KIF13B: variants seen among roughly 807,000 people sequenced by gnomAD.
The protein encoded by KIF13B is kinesin family member 13B, also known as kinesin-like protein KIF13B.
KIF13B carries 127 observed loss-of-function variants against 222.0 expected under a neutral mutation model. That is an observed-to-expected ratio of 0.57 (90% CI 0.50 to 0.66). The LOEUF (loss-of-function observed/expected upper bound fraction) is 0.66. KIF13B is among the 30% of genes least tolerant of loss of function. The pLI is 0.00. For synonymous variants in KIF13B, 976 were observed against 919.0 expected (o/e 1.06, Z -1.12); for missense variants, 2,173 against 2,379.0 (o/e 0.91, Z 1.80).
intron 3 of KIF13B, among the ~76,000 whole-genome samples, chr8:29,194,012 G>T (rs1170228096): frequency 6.7e-6 from 1 of 148,230 alleles, no homozygotes; most frequent in Admixed American, 6.7e-5. Flanking sequence ...TTTTAGTAGA[G>T]ACAGGGTTTC....
chr8:29,151,421 GTCAT>G (rs1302484532), intron 14 of KIF13B, among the ~76,000 whole-genome samples: 21 of 152,370 alleles, frequency 1.4e-4, no homozygotes. Flanking sequence ...GGAAGAAGAT[GTCAT>G]CTCGAACTTT....
intron 35 of KIF13B, among the ~76,000 whole-genome samples, chr8:29,105,650 G>GTTTTTTTTTTTTTTT: frequency 1.3e-5 from 1 of 78,072 alleles, no homozygotes; most frequent in Non-Finnish European, 2.2e-5. Context: ...AGTTTGTTTG[G>GTTTTTTTTTTTTTTT]TTTTTTTTTT....
At chr8:29,080,780 C>A (rs1807773965) in intron 37 of KIF13B, among the ~76,000 whole-genome samples, 1 of 152,130 alleles carries the variant, frequency 6.6e-6, no homozygotes, top group South Asian at 2.1e-4. Context: ...CTGCCGACCC[C>A]CGCCCGAGCC....
intron 16 of KIF13B, among the ~76,000 whole-genome samples, chr8:29,147,954 T>C (rs1177162241): frequency 6.6e-6 from 1 of 152,198 alleles, no homozygotes; most frequent in African/African-American, 2.4e-5. Context: ...TCCCAGCATT[T>C]TGGGAGGCCG....
At chr8:29,194,493 C>T (rs1025274380) in intron 3 of KIF13B, among the ~76,000 whole-genome samples, 2 of 152,138 alleles carry the variant, frequency 1.3e-5, no homozygotes, top group Non-Finnish European at 2.9e-5. Context: ...GATTCCAGCC[C>T]ACAGTCTGGC....
At chr8:29,163,677 G>C (rs1811876378) in intron 12 of KIF13B, among the ~76,000 whole-genome samples, 1 of 152,198 alleles carries the variant, frequency 6.6e-6, no homozygotes, top group African/African-American at 2.4e-5. Context: ...ACATTCAACA[G>C]CACTAAAGCC....
rs1370317127 is a variant in KIF13B, at chr8:29,155,798, A to G, written c.1463T>C (p.Ile488Thr). 5.6e-6 allele frequency: 9 copies of G among 1,596,548 alleles called. No individual in the cohort carries two copies. Among genetic ancestry groups the G allele is most frequent in the Non-Finnish European group, 7.7e-6 (9 of 1,170,540 alleles). Residue 488 changes from isoleucine to threonine, a missense_variant, in exon 14 of 40, where the codon ATT (isoleucine) becomes ACT (threonine). Coordinates refer to ENST00000524189, the MANE Select transcript of KIF13B (RefSeq NM_015254.4). ...GTCTATAATACAGTGTTCAGGAAGAATTCCCATGCCGCACAGTTGGATATC... is the reference window on the plus strand; with the variant it reads ...GTCTATAATACAGTGTTCAGGAAGAGTTCCCATGCCGCACAGTTGGATATC... ...SQDIQLCGMG[I>T]LPEHCIIDIT... is the part of the protein sequence containing the mutation.
intron 2 of KIF13B, among the ~76,000 whole-genome samples, chr8:29,208,371 C>T (rs757888011): frequency 6.6e-6 from 1 of 152,190 alleles, no homozygotes; most frequent in Non-Finnish European, 1.5e-5. Flanking sequence ...ATTAATGCTG[C>T]ATCATAGTCA....
chr8:29,078,822 G>C (rs1420435611), intron 37 of KIF13B, among the ~76,000 whole-genome samples: 1 of 152,226 alleles, frequency 6.6e-6, no homozygotes, highest in African/African-American at 2.4e-5. Context: ...AAGTTCTCAA[G>C]TGCTGGCTGA....
chr8:29,165,853 T>A (rs1811972116), intron 11 of KIF13B, 81 bp from the exon 12 acceptor site: 6 of 924,406 alleles, frequency 6.5e-6, no homozygotes, highest in Non-Finnish European at 1.0e-5. Context: ...AGGACAAAAG[T>A]AACAATCTGC....
chr8:29,193,736 C>CT (rs1243034028), intron 3 of KIF13B, among the ~76,000 whole-genome samples: 1 of 152,240 alleles, frequency 6.6e-6, no homozygotes, highest in African/African-American at 2.4e-5. Context: ...CTCCCATATA[C>CT]TTCAAATCAT....
At position 29,071,597 on chromosome 8, in the gene KIF13B, A is replaced by G; in HGVS notation, c.5218+23T>C. The G allele has an allele frequency of 6.5e-7, 1 of 1,536,420 alleles. No individual in the cohort carries two copies. The highest frequency in any genetic ancestry group is 8.8e-7 in the Non-Finnish European group (1 of 1,138,626). ...CCCCAGACCCCCGGCACCACCCTGG[A>G]GCCCGGAGTGCCCGGTACCCACCTG... is the stretch of plus-strand genomic sequence containing the variant. On this transcript the variant is annotated intron_variant, in intron 39 of 39. Coordinates refer to ENST00000524189, the MANE Select transcript of KIF13B (RefSeq NM_015254.4). The surrounding 1 kb of genome is among the most constrained non-coding windows in gnomAD (Gnocchi z 4.9).
rs538338127 is a variant in KIF13B at position 29,110,233 on chromosome 8, G to A, written c.3931-163C>T. Reference sequence around the variant, plus strand: ...CAAGGAAATAATGAAAAGGTGATTAGGTGACTAGGTCCACTTGAAAGGCTG... The same window carrying A: ...CAAGGAAATAATGAAAAGGTGATTAAGTGACTAGGTCCACTTGAAAGGCTG... On this transcript the variant is annotated intron_variant, in intron 32 of 39. Transcript: ENST00000524189. 4.6e-5 allele frequency among the ~76,000 whole-genome samples: 7 copies of A among 152,300 alleles called. No individual in the cohort carries two copies. The South Asian group carries it at 1.4e-3, about 32-fold the overall frequency.
At chr8:29,155,696 G>C (rs368810794) in intron 14 of KIF13B, 30 bp downstream of exon 14, 19 of 1,585,416 alleles carry the variant, frequency 1.2e-5, no homozygotes, top group African/African-American at 2.7e-5. Flanking sequence ...AAAAACTCTT[G>C]TGATATGAAC....
intron 2 of KIF13B, among the ~76,000 whole-genome samples, chr8:29,211,473 G>T (rs558190179): frequency 1.4e-3 from 106 of 73,154 alleles, no homozygotes; most frequent in African/African-American, 4.8e-3. Flanking sequence ...GGCCAGAACT[G>T]AGTTGCCAGG....
chr8:29,092,949 A>G (rs1808369367), intron 36 of KIF13B, 71 bp from the exon 37 acceptor site: 3 of 1,354,688 alleles, frequency 2.2e-6, no homozygotes, highest in South Asian at 3.2e-5. Flanking sequence ...TGTACATTTG[A>G]CAGACATCAC....
chr8:29,146,920 T>C (rs1811084887), intron 17 of KIF13B, among the ~76,000 whole-genome samples: 1 of 152,150 alleles, frequency 6.6e-6, no homozygotes, highest in Non-Finnish European at 1.5e-5. Context: ...CTTTAAATAG[T>C]ATGAGGTTAG....
At chr8:29,152,387 C>A (rs928133175) in intron 14 of KIF13B, among the ~76,000 whole-genome samples, 1 of 152,108 alleles carries the variant, frequency 6.6e-6, no homozygotes, top group Non-Finnish European at 1.5e-5. Context: ...TACCAAACAG[C>A]AACACAGGCT....
intron 13 of KIF13B, 82 bp from the exon 14 acceptor site, chr8:29,155,938 A>AT (rs1028209213): frequency 5.5e-4 from 627 of 1,148,926 alleles, no homozygotes; most frequent in Non-Finnish European, 5.3e-4. Flanking sequence ...GCCCTCTTAT[A>AT]TTGTCCTATT....
Sources: allele counts gnomAD v4.1 joint callset (sites outside exome capture counted in the v4.1 genomes callset), GRCh38; gene constraint gnomAD v4.1.1; non-coding constraint Gnocchi (gnomAD v3.1); transcripts MANE v1.5; gene names NCBI Gene and HGNC (gene_info 2026-07-23, HGNC 2026-07-21).